PDIA4: variants seen among roughly 807,000 people sequenced by gnomAD.
PDIA4 encodes protein disulfide-isomerase A4.
PDIA4 carries 33 observed loss-of-function variants against 62.1 expected under a neutral mutation model. The observed-to-expected ratio is 0.53, with a 90% CI of 0.40 to 0.71. The LOEUF (loss-of-function observed/expected upper bound fraction) is 0.71, where lower values mean the gene tolerates loss of function less well. PDIA4 is among the 30% of genes least tolerant of loss of function. The pLI is 0.00. For synonymous variants in PDIA4, 341 were observed against 324.1 expected, an observed-to-expected ratio of 1.05 and a Z score of -0.56; for missense variants, 804 against 813.6, an observed-to-expected ratio of 0.99 and a Z score of 0.14.
intron 6 of PDIA4, among the ~76,000 whole-genome samples, chr7:149,010,694 C>T (rs1295919278): frequency 1.3e-5 from 2 of 152,190 alleles, no homozygotes; most frequent in Admixed American, 6.5e-5. Context: ...ATCTGTAGAA[C>T]ATCTTGTGTC....
intron 1 of PDIA4, 106 bp downstream of exon 1, chr7:149,028,215 G>T: frequency 1.3e-6 from 1 of 779,672 alleles, no homozygotes. Flanking sequence ...TAGTTCTGGA[G>T]CTGACCGCGC....
chr7:149,018,923 C>T (rs757528194), intron 3 of PDIA4, 69 bp downstream of exon 3: 36 of 1,186,996 alleles, frequency 3.0e-5, no homozygotes, highest in South Asian at 2.0e-4. Flanking sequence ...GCTTTTCTTC[C>T]TCTATTAGCC....
chr7:149,005,817 T>TC (rs1414185907), intron 8 of PDIA4, 80 bp downstream of exon 8: 6 of 1,163,370 alleles, frequency 5.2e-6, no homozygotes, highest in Non-Finnish European at 7.0e-6. Flanking sequence ...CAGCCACACC[T>TC]CCCCTCAACA....
chr7:149,028,134 T>C, intron 1 of PDIA4, 187 bp downstream of exon 1: 3 of 595,756 alleles, frequency 5.0e-6, no homozygotes, highest in Non-Finnish European at 9.0e-6. Context: ...AAATCGATCC[T>C]GCCACTGCCA....
Position 149,019,320 on chromosome 7 carries a change from C to G in PDIA4, c.270-123G>C, listed in dbSNP as rs1035766410. On this transcript the variant is annotated intron_variant, in intron 2 of 9. Transcript: ENST00000652332. ...CCACACCAAAATGTTGAAATCTGAT[C>G]CCCAGTGTGGCAGTGTTGGGAGATG... 8 of 719,900 alleles carry G rather than the reference C, an allele frequency of 1.1e-5. No individual in the cohort carries two copies. In the Admixed American group the frequency reaches 1.7e-4, roughly 15 times the overall value. The allele number at this position is 719,900 out of a possible 1,614,324, so 44.6% of individuals were successfully genotyped here. A position where few individuals can be genotyped will look rare whatever the true frequency, so the allele number is the denominator to read the frequency against.
chr7:149,025,085 A>AATATATATATATATATATATATATATAT (rs869119727), intron 1 of PDIA4, among the ~76,000 whole-genome samples: 1 of 22,336 alleles, frequency 4.5e-5, no homozygotes, highest in African/African-American at 6.1e-5. Context: ...AAAAAAAAAA[A>AATATATATATATATATATATATATATAT]ATATATATAT....
intron 1 of PDIA4, 93 bp downstream of exon 1, chr7:149,028,228 A>G (rs1452194577): frequency 1.1e-6 from 1 of 936,334 alleles, no homozygotes; most frequent in African/African-American, 1.7e-5. Flanking sequence ...GACCGCGCGG[A>G]AGCCCGCCCG....
At chr7:149,016,791 G>T (rs1824153647) in intron 3 of PDIA4, among the ~76,000 whole-genome samples, 1 of 152,156 alleles carries the variant, frequency 6.6e-6, no homozygotes, top group Admixed American at 6.6e-5. Flanking sequence ...GATTACAGGC[G>T]TGAACCACCG....
chr7:149,007,386 G>A (rs1823798707), intron 7 of PDIA4, among the ~76,000 whole-genome samples: 1 of 152,194 alleles, frequency 6.6e-6, no homozygotes, highest in African/African-American at 2.4e-5. Flanking sequence ...GTAGGACCTG[G>A]AAAGGCCCCT....
chr7:149,019,256 A>G (rs1368654738), intron 2 of PDIA4, 59 bp from the exon 3 acceptor site: 4 of 1,195,210 alleles, frequency 3.3e-6, no homozygotes, highest in African/African-American at 1.5e-5. Flanking sequence ...ATTTAAATCC[A>G]ACAATAATAC....
chr7:149,016,770 C>A (rs1225298589), intron 3 of PDIA4, among the ~76,000 whole-genome samples: 1 of 152,178 alleles, frequency 6.6e-6, no homozygotes, highest in Non-Finnish European at 1.5e-5. Context: ...CTTGGCCTCC[C>A]AAAGTGCTGG....
intron 8 of PDIA4, among the ~76,000 whole-genome samples, chr7:149,005,635 TC>T (rs1823729021): frequency 6.6e-6 from 1 of 152,168 alleles, no homozygotes; most frequent in Admixed American, 6.5e-5. Context: ...TAGTCCCAGC[TC>T]TGCAGCCTCT....
chr7:149,003,192 C>A lies in PDIA4; in HGVS notation c.*602G>T. 6.0e-6 allele frequency: 1 copy of A among 167,674 alleles called. No individual in the cohort carries two copies. 10.4% of individuals were successfully genotyped at this position (167,674 alleles called of 1,614,324 possible). On this transcript the variant is annotated 3_prime_UTR_variant, in exon 10 of 10. Coordinates refer to ENST00000652332, the MANE Select transcript of PDIA4 (RefSeq NM_004911.5). ...TGGGGGCTCTCAAGAGGTGGGGCTGCCACGTGGGTGGCCTCTCCCTGGAGC... is the reference window on the plus strand; with the variant it reads ...TGGGGGCTCTCAAGAGGTGGGGCTGACACGTGGGTGGCCTCTCCCTGGAGC...
At chr7:149,006,193 C>T in intron 7 of PDIA4, 140 bp from the exon 8 acceptor site, 1 of 748,376 alleles carries the variant, frequency 1.3e-6, no homozygotes, top group South Asian at 2.2e-5. Context: ...GGGCTCGACC[C>T]CACTCAAGCA....
intron 6 of PDIA4, among the ~76,000 whole-genome samples, chr7:149,009,264 T>C (rs900997120): frequency 2.6e-5 from 4 of 152,102 alleles, no homozygotes; most frequent in African/African-American, 4.8e-5. Flanking sequence ...CTGGGCAACA[T>C]GGTGAGACCC....
At chr7:149,028,046 C>G in intron 1 of PDIA4, 1 of 635,752 alleles carries the variant, frequency 1.6e-6, no homozygotes, top group South Asian at 1.5e-5. Context: ...GCAGCCCTCT[C>G]CCAGCCTCGG....
At chr7:149,014,865 C>T in intron 4 of PDIA4, 39 bp downstream of exon 4, 1 of 1,600,918 alleles carries the variant, frequency 6.2e-7, no homozygotes, top group Admixed American at 1.7e-5. Context: ...TAGTGCCCAC[C>T]AGGGTACTGA....
chr7:149,014,812 C>T, intron 4 of PDIA4, 92 bp downstream of exon 4: 4 of 1,267,134 alleles, frequency 3.2e-6, no homozygotes, highest in Non-Finnish European at 4.5e-6. Context: ...CCTTGCTCCT[C>T]TGCTGTTCCT....
intron 2 of PDIA4, 109 bp downstream of exon 2, chr7:149,020,858 C>T (rs1824320530): frequency 2.0e-6 from 3 of 1,467,426 alleles, no homozygotes; most frequent in East Asian, 4.9e-5. Flanking sequence ...CAAGTTCCTG[C>T]ACCCAGACAC....
Sources: gnomAD v4.1 joint callset for allele counts (sites outside exome capture counted in the v4.1 genomes callset) on GRCh38, gnomAD v4.1.1 for gene constraint, MANE v1.5 for transcripts, NCBI Gene and HGNC (gene_info 2026-07-23, HGNC 2026-07-21) for gene names.